The following NR3C1 variants were observed in gnomAD, a reference collection of about 807,000 sequenced individuals.
NR3C1 encodes nuclear receptor subfamily 3 group C member 1, also known as glucocorticoid receptor.
NR3C1 carries 14 observed loss-of-function variants against 74.0 expected under a neutral mutation model. The observed-to-expected ratio is 0.19, with a 90% CI of 0.12 to 0.30. NR3C1 has a LOEUF of 0.30. Among genes scored for constraint, NR3C1 ranks in the 10% least tolerant of loss-of-function variants. The pLI is 1.00. For synonymous variants in NR3C1, 308 were observed against 332.5 expected, an observed-to-expected ratio of 0.93 and a Z score of 0.80; for missense variants, 695 against 909.8, an observed-to-expected ratio of 0.76 and a Z score of 3.04.
chr5:143,338,068 T>C (rs943873136), intron 2 of NR3C1, among the ~76,000 whole-genome samples: 1 of 152,224 alleles, frequency 6.6e-6, no homozygotes, highest in Non-Finnish European at 1.5e-5. Context: ...CAGTCAATGA[T>C]GGACAGCATT....
At chr5:143,301,499 A>G (rs552126902) in intron 4 of NR3C1, among the ~76,000 whole-genome samples, 1 of 151,518 alleles carries the variant, frequency 6.6e-6, no homozygotes, top group Admixed American at 6.6e-5. Context: ...TATAAACCTA[A>G]AGCAGCCATT....
intron 2 of NR3C1, among the ~76,000 whole-genome samples, chr5:143,334,923 G>A (rs898556271): frequency 9.9e-5 from 15 of 152,142 alleles, no homozygotes; most frequent in African/African-American, 2.4e-4. Flanking sequence ...CTCACAGTGC[G>A]AAAAAGAATA....
chr5:143,294,146 GGAAATGTTTAAATAGATAT>G (rs1225261105), intron 7 of NR3C1: 1 of 984,912 alleles, frequency 1.0e-6, no homozygotes, highest in African/African-American at 1.7e-5. Context: ...TGTGCGCTTT[GGAAATGTTTAAATAGATAT>G]GAAATGATTA....
At chr5:143,418,426 T>C (rs1206955417) in intron 1 of NR3C1, among the ~76,000 whole-genome samples, 1 of 152,206 alleles carries the variant, frequency 6.6e-6, no homozygotes, top group Non-Finnish European at 1.5e-5. Context: ...CTTTTTCTGC[T>C]TAAGTATCTG....
chr5:143,306,173 G>A (rs1358952863), intron 4 of NR3C1, among the ~76,000 whole-genome samples: 1 of 152,130 alleles, frequency 6.6e-6, no homozygotes, highest in Non-Finnish European at 1.5e-5. Context: ...TTTAAGCAGT[G>A]AAGGCCACTC....
At chr5:143,406,650 T>C (rs1841124382), upstream of NR3C1, among the ~76,000 whole-genome samples, 1 of 152,164 alleles carries the variant, frequency 6.6e-6, no homozygotes, top group African/African-American at 2.4e-5. Flanking sequence ...TTAAATGAGA[T>C]AGGTATTGTT....
chr5:143,294,965 G>C (rs1816845807), intron 7 of NR3C1: 5 of 985,314 alleles, frequency 5.1e-6, no homozygotes, highest in Non-Finnish European at 6.0e-6. Context: ...CCATTTTCTA[G>C]ATAATGAATC....
intron 2 of NR3C1, among the ~76,000 whole-genome samples, chr5:143,367,500 A>G (rs1482784871): frequency 6.6e-6 from 1 of 152,244 alleles, no homozygotes; most frequent in Non-Finnish European, 1.5e-5. Context: ...TCTTATATAT[A>G]GAAATCCTAA....
At chr5:143,339,069 C>T (rs1038422315) in intron 2 of NR3C1, among the ~76,000 whole-genome samples, 1 of 152,118 alleles carries the variant, frequency 6.6e-6, no homozygotes, top group African/African-American at 2.4e-5. Context: ...CCATATGGTC[C>T]AGGTGTACTG....
At position 143,282,651 on chromosome 5, in the gene NR3C1, C is replaced by T. The variant is rs1406643989; in HGVS notation, c.2098G>A (p.Ala700Thr). The change falls in exon 8 of 9, where the codon GCC becomes ACC. Residue 700 changes from alanine (A) to threonine (T), a missense_variant. This residue lies in a region of NR3C1 where 133 missense variants were observed against 287.9 expected (regional missense o/e 0.46). Coordinates refer to ENST00000394464, the MANE Select transcript of NR3C1 (RefSeq NM_000176.3). ...GAGTTTCCTTCCCTCTTGACAATGG[C>T]TTTTCCTAGCTCTTTGATGTAGGTC... ...RMTYIKELGK[A>T]IVKREGNSSQ... The T allele has an allele frequency of 3.1e-6, 5 of 1,613,934 alleles. No individual in the cohort carries two copies. In the African/African-American group the frequency reaches 6.7e-5, roughly 22 times the overall value.
At chr5:143,374,320 G>A (rs913686582) in intron 2 of NR3C1, among the ~76,000 whole-genome samples, 6 of 151,992 alleles carry the variant, frequency 3.9e-5, no homozygotes, top group Non-Finnish European at 7.4e-5. Context: ...GTGAAACCCC[G>A]ACTCTACTAA....
exon 1 of NR3C1, chr5:143,434,929 G>T: frequency 1.0e-6 from 1 of 985,248 alleles, no homozygotes; most frequent in Middle Eastern, 5.2e-4. Context: ...GAAAATTTCA[G>T]ATCAGAAGAT....
chr5:143,425,011 G>A (rs767983929), intron 1 of NR3C1, among the ~76,000 whole-genome samples: 4 of 152,210 alleles, frequency 2.6e-5, no homozygotes, highest in Non-Finnish European at 5.9e-5. Context: ...CAAAGCTGCA[G>A]TAATCAAGAC....
intron 2 of NR3C1, among the ~76,000 whole-genome samples, chr5:143,381,446 T>C (rs992349368): frequency 1.6e-4 from 24 of 151,908 alleles, no homozygotes; most frequent in Admixed American, 1.3e-4. Context: ...AAAAAAATCA[T>C]AGGATTTATA....
At chr5:143,291,921 A>C (rs1029860278) in intron 7 of NR3C1, among the ~76,000 whole-genome samples, 1 of 152,228 alleles carries the variant, frequency 6.6e-6, no homozygotes, top group African/African-American at 2.4e-5. Context: ...CCTATCTGAT[A>C]ATTGAAATAT....
chr5:143,378,682 T>C (rs989008335), intron 2 of NR3C1, among the ~76,000 whole-genome samples: 1 of 152,214 alleles, frequency 6.6e-6, no homozygotes, highest in South Asian at 2.1e-4. Context: ...GTGTGTTTCA[T>C]CTTTTCTATT....
In NR3C1 at chr5:143,403,446, C is replaced by CT; in HGVS notation, c.-250_-249insA. On this transcript the variant is annotated 5_prime_UTR_variant, in exon 1 of 9. Coordinates refer to ENST00000394464, the MANE Select transcript of NR3C1 (RefSeq NM_000176.3). Reference sequence around the variant, plus strand: ...CCGCCCCGCGCCGGGCTCCGCGGGTCGAGGTTCCGGGCGCGCGTGCCCCGT... The same window carrying CT: ...CCGCCCCGCGCCGGGCTCCGCGGGTCTGAGGTTCCGGGCGCGCGTGCCCCGT... The CT allele has an allele frequency of 4.6e-6, 3 of 653,608 alleles. No homozygotes were observed. Among genetic ancestry groups the CT allele is most frequent in the Non-Finnish European group, 5.1e-6 (3 of 592,232 alleles). The allele number at this position is 653,608 out of a possible 1,614,324, so 40.5% of individuals were successfully genotyped here. A position where few individuals can be genotyped will look rare whatever the true frequency, so the allele number is the denominator to read the frequency against.
rs1812795471 is a variant in NR3C1 at position 143,279,520 on chromosome 5, G to A, written c.*2369C>T. The A allele has an allele frequency of 3.8e-6, 4 of 1,064,264 alleles. No individual in the cohort carries two copies. Among genetic ancestry groups the A allele is most frequent in the Non-Finnish European group, 5.1e-6 (4 of 783,354 alleles). 65.9% of individuals were successfully genotyped at this position (1,064,264 alleles called of 1,614,324 possible). A position where few individuals can be genotyped will look rare whatever the true frequency, so the allele number is the denominator to read the frequency against. On this transcript the variant is annotated 3_prime_UTR_variant, in exon 9 of 9. Transcript: ENST00000394464. Reference sequence around the variant, plus strand: ...TTAGGCACCAAAAATTTATCCAGCCGGGTTACACACCATCTTAAAATATTA... The same window carrying A: ...TTAGGCACCAAAAATTTATCCAGCCAGGTTACACACCATCTTAAAATATTA...
upstream of NR3C1, chr5:143,404,360 G>A: frequency 1.0e-6 from 1 of 985,310 alleles, no homozygotes; most frequent in Non-Finnish European, 1.2e-6. Context: ...GATAGCGGGG[G>A]TCGGCGCATA....
Sources: allele counts gnomAD v4.1 joint callset (sites outside exome capture counted in the v4.1 genomes callset), GRCh38; gene constraint gnomAD v4.1.1; regional missense constraint gnomAD v4.1.1; transcripts MANE v1.5; gene names NCBI Gene and HGNC (gene_info 2026-07-23, HGNC 2026-07-21).